The following RAD50 variants were observed in gnomAD, a reference collection of about 807,000 sequenced individuals.
RAD50 encodes the protein DNA repair protein RAD50.
RAD50 carries 132 observed loss-of-function variants against 168.8 expected under a neutral mutation model. That is an observed-to-expected ratio of 0.78 (90% confidence interval 0.68 to 0.90). The LOEUF is 0.90. Among genes scored for constraint, RAD50 ranks in the 40% least tolerant of loss-of-function variants. The pLI is 0.00. For synonymous variants in RAD50, 525 were observed against 497.4 expected (o/e 1.06, Z -0.74); for missense variants, 1,347 against 1,534.4 (o/e 0.88, Z 2.04).
chr5:132,619,819 T>TCTCTCTCTCTCTCTCTCTACTC (rs1751246682), intron 21 of RAD50, among the ~76,000 whole-genome samples: 6 of 116,410 alleles, frequency 5.2e-5, no homozygotes, highest in African/African-American at 2.8e-4. Context: ...TCTACTCCTC[T>TCTCTCTCTCTCTCTCTCTACTC]CTCTCTCTCT....
At chr5:132,620,065 C>T (rs1285109315) in intron 21 of RAD50, among the ~76,000 whole-genome samples, 3 of 151,472 alleles carry the variant, frequency 2.0e-5, no homozygotes, top group African/African-American at 7.3e-5. Context: ...CCACTACGCC[C>T]GGCTAATTTT....
chr5:132,579,549 T>G, intron 4 of RAD50, 47 bp downstream of exon 4: 1 of 1,560,902 alleles, frequency 6.4e-7, no homozygotes, highest in Non-Finnish European at 8.8e-7. Context: ...GTTATTGAAC[T>G]GTGTTTGCAA....
rs79717165 is a variant in RAD50, at chr5:132,617,203, T to C, written c.3165-867T>C. Among the ~76,000 whole-genome samples the C allele has an allele frequency of 6.4e-3, 980 of 152,270 alleles. 5 individuals are homozygous for C. The highest frequency in any genetic ancestry group is 0.023 in the African/African-American group (937 of 41,550). On this transcript the variant is annotated intron_variant, in intron 20 of 24. Transcript: ENST00000378823. ...GGAAAAGTAATGCTTCTAGAAGAAA[T>C]TTTGATATAAAATAATATATTCGTG...
Position 132,594,902 on chromosome 5 carries a change from T to C in RAD50, c.1827T>C (p.Asn609=). The change falls in exon 12 of 25, where the codon AAT becomes AAC. Residue 609 remains asparagine (N), a synonymous_variant. Coordinates refer to ENST00000378823, the MANE Select transcript of RAD50 (RefSeq NM_005732.4). The stretch of plus-strand genomic sequence containing the variant: ...TAGCTTCATCTGAGCAGAATAAAAA[T>C]CATATAAATAATGAACTAAAAAGAA... The part of the protein sequence containing the change: ...KELASSEQNK[N]HINNELKRKE... 1 of 1,606,140 alleles carries C rather than the reference T, an allele frequency of 6.2e-7. No homozygotes were observed. The highest frequency in any genetic ancestry group is 8.5e-7 in the Non-Finnish European group (1 of 1,172,850).
chr5:132,592,218 A>G (rs1750714603), intron 11 of RAD50, among the ~76,000 whole-genome samples, 184 bp downstream of exon 11: 1 of 152,196 alleles, frequency 6.6e-6, no homozygotes, highest in South Asian at 2.1e-4. Context: ...TTTTAAATAA[A>G]CTGTATTTCT....
rs1462371758 is a variant in RAD50 at position 132,632,495 on chromosome 5, A to G, written c.3390-4620A>G. ...GATATTTTTCTGAGTTTTTTTTTCC[A>G]TTTAACGTGGTGATAATCTTTTACG... On this transcript the variant is annotated intron_variant, in intron 21 of 24. Transcript: ENST00000378823. Among the ~76,000 whole-genome samples the G allele has an allele frequency of 2.0e-5, 3 of 151,932 alleles. No homozygotes were observed. The East Asian group carries it at 5.8e-4, about 29-fold the overall frequency.
intron 1 of RAD50, among the ~76,000 whole-genome samples, 162 bp from the exon 2 acceptor site, chr5:132,559,121 AC>A (rs1473257565): frequency 1.3e-5 from 2 of 152,236 alleles, no homozygotes; most frequent in Non-Finnish European, 2.9e-5. Flanking sequence ...CTGTGAACTT[AC>A]AGCATTAACA....
intron 5 of RAD50, among the ~76,000 whole-genome samples, chr5:132,580,625 C>G (rs1282574965): frequency 2.0e-5 from 3 of 152,102 alleles, no homozygotes; most frequent in Non-Finnish European, 2.9e-5. Context: ...TGGAATTGAT[C>G]CATAACATGT....
intron 3 of RAD50, among the ~76,000 whole-genome samples, chr5:132,578,117 C>A (rs1369352554): frequency 6.6e-6 from 1 of 152,104 alleles, no homozygotes; most frequent in Non-Finnish European, 1.5e-5. Flanking sequence ...CCAGCCCCAT[C>A]TCTGATTTTT....
intron 24 of RAD50, chr5:132,641,881 A>G: frequency 2.7e-6 from 1 of 369,718 alleles, no homozygotes. Context: ...TAAAATATTT[A>G]TACCTGCTTT....
intron 22 of RAD50, 107 bp downstream of exon 22, chr5:132,637,307 A>G: frequency 2.7e-6 from 4 of 1,487,002 alleles, no homozygotes; most frequent in Middle Eastern, 3.7e-4. Flanking sequence ...CCCCTTTCTA[A>G]GCATGTCTTT....
In RAD50 at chr5:132,638,149, T is replaced by TA; in HGVS notation, c.3545dup (p.Tyr1182Ter). ...ATCAGCTTCTGATAAAAGGCGGAAT[T>TA]ATAACTACCGAGTGGTGATGCTGAA... ...NVSASDKRRN[Y>*]NYRVVMLKGD... The change falls in exon 23 of 25, where the codon TAT (tyrosine) becomes TAAT (stop). Residue 1182 changes from tyrosine to a stop codon, truncating the protein, a stop_gained and frameshift_variant. Transcript: ENST00000378823. LOFTEE classifies it high-confidence loss of function. 1 of 1,614,172 alleles carries TA rather than the reference T, an allele frequency of 6.2e-7. No homozygotes were observed. Among genetic ancestry groups the TA allele is most frequent in the Non-Finnish European group, 8.5e-7 (1 of 1,180,024 alleles).
At chr5:132,602,871 T>C (rs374121479) in intron 13 of RAD50, among the ~76,000 whole-genome samples, 2 of 152,210 alleles carry the variant, frequency 1.3e-5, no homozygotes, top group South Asian at 4.1e-4. Flanking sequence ...TCTTTATCTT[T>C]CATGACCTTA....
intron 21 of RAD50, among the ~76,000 whole-genome samples, chr5:132,622,210 G>C (rs1751298771): frequency 6.6e-6 from 1 of 151,708 alleles, no homozygotes; most frequent in Non-Finnish European, 1.5e-5. Flanking sequence ...GCCCAGGCTA[G>C]AGTGCAGTGG....
intron 2 of RAD50, among the ~76,000 whole-genome samples, chr5:132,573,727 T>C (rs1248806925): frequency 1.3e-5 from 2 of 152,204 alleles, no homozygotes; most frequent in Admixed American, 1.3e-4. Flanking sequence ...AGTTACTTCT[T>C]AGATACAATG....
chr5:132,564,145 A>G (rs796118157), intron 2 of RAD50, among the ~76,000 whole-genome samples: 2 of 152,198 alleles, frequency 1.3e-5, no homozygotes, highest in South Asian at 4.1e-4. Context: ...AAGATAGCTG[A>G]AAATGTGGAA....
At chr5:132,576,254 G>T (rs1353478888) in intron 3 of RAD50, among the ~76,000 whole-genome samples, 1 of 152,180 alleles carries the variant, frequency 6.6e-6, no homozygotes, top group Non-Finnish European at 1.5e-5. Context: ...TTTCTGAACA[G>T]TTGCTGAATT....
intron 2 of RAD50, among the ~76,000 whole-genome samples, chr5:132,560,079 T>C (rs74812156): frequency 0.033 from 3,993 of 120,528 alleles, 187 homozygotes; most frequent in African/African-American, 0.15. Context: ...CACACACACA[T>C]ATATATATAG....
At chr5:132,615,643 A>G (rs1198882171) in intron 19 of RAD50, among the ~76,000 whole-genome samples, 1 of 152,218 alleles carries the variant, frequency 6.6e-6, no homozygotes, top group Non-Finnish European at 1.5e-5. Flanking sequence ...TAATTTCACC[A>G]TTTAAAATGT....
Sources: gnomAD v4.1 joint callset for allele counts (sites outside exome capture counted in the v4.1 genomes callset) on GRCh38, gnomAD v4.1.1 for gene constraint, MANE v1.5 for transcripts, NCBI Gene and HGNC (gene_info 2026-07-23, HGNC 2026-07-21) for gene names.